DSCAM: variants seen among roughly 807,000 people sequenced by gnomAD.
The protein encoded by DSCAM is DS cell adhesion molecule.
A neutral mutation model predicts 217.7 loss-of-function variants in DSCAM; 47 were observed. That is an observed-to-expected ratio of 0.22 (90% CI 0.17 to 0.28). The LOEUF (loss-of-function observed/expected upper bound fraction) is 0.28. DSCAM is among the 10% of genes least tolerant of loss of function. DSCAM has a pLI of 1.00. For synonymous variants in DSCAM, 1,056 were observed against 1,015.3 expected (o/e 1.04, Z -0.76); for missense variants, 2,080 against 2,618.3 (o/e 0.79, Z 4.49).
chr21:40,393,114 T>TAAA (rs2075148922), intron 3 of DSCAM, among the ~76,000 whole-genome samples: 1 of 152,174 alleles, frequency 6.6e-6, no homozygotes, highest in Admixed American at 6.5e-5. Context: ...CCACAAAGTC[T>TAAA]TCTTGGATGA....
intron 11 of DSCAM, among the ~76,000 whole-genome samples, chr21:40,233,176 A>G (rs1325451371): frequency 1.1e-4 from 17 of 152,162 alleles, no homozygotes; most frequent in Admixed American, 1.1e-3. Flanking sequence ...CCGAACCTAA[A>G]AGTTTTTTTT....
chr21:40,376,831 TAA>T (rs1358444649), intron 3 of DSCAM, among the ~76,000 whole-genome samples: 1 of 151,780 alleles, frequency 6.6e-6, no homozygotes, highest in East Asian at 1.9e-4. Flanking sequence ...AAGCTGCATA[TAA>T]GAGAAAAGAA....
rs1480017141 is a variant in DSCAM at position 40,481,090 on chromosome 21, A to G, written c.509-111845T>C. ...TCTCAGCCTCCAAAACTGTAAGTCA[A>G]ATAAACTTGGGCATACACTTTTTAA... On this transcript the variant is annotated intron_variant, in intron 3 of 32. Coordinates refer to ENST00000400454, the MANE Select transcript of DSCAM (RefSeq NM_001389.5). Among the ~76,000 whole-genome samples, 10 of 152,212 alleles carry G rather than the reference A, an allele frequency of 6.6e-5. 1 individual carries two copies. The highest frequency in any genetic ancestry group is 6.5e-4 in the Admixed American group (10 of 15,284).
chr21:40,381,355 G>A (rs1315590809), intron 3 of DSCAM, among the ~76,000 whole-genome samples: 1 of 152,186 alleles, frequency 6.6e-6, no homozygotes, highest in African/African-American at 2.4e-5. Flanking sequence ...GCGGACTCAT[G>A]TTTAGAAGAG....
chr21:40,643,527 T>C (rs2089908335), intron 3 of DSCAM, among the ~76,000 whole-genome samples: 1 of 152,180 alleles, frequency 6.6e-6, no homozygotes, highest in Non-Finnish European at 1.5e-5. Context: ...ACTGCAAAGC[T>C]CTGGCTTGAG....
intron 3 of DSCAM, among the ~76,000 whole-genome samples, chr21:40,534,709 T>A (rs528782775): frequency 6.6e-6 from 1 of 152,222 alleles, no homozygotes; most frequent in Non-Finnish European, 1.5e-5. Context: ...TGATATAGAG[T>A]GATATATTTT....
chr21:40,369,064 C>T (rs368773669), intron 4 of DSCAM, 35 bp downstream of exon 4: 2 of 1,557,062 alleles, frequency 1.3e-6, no homozygotes, highest in South Asian at 1.3e-5. Flanking sequence ...AAAGAAATAG[C>T]AGACATAGCA....
intron 3 of DSCAM, among the ~76,000 whole-genome samples, chr21:40,418,370 A>G (rs761553875): frequency 2.3e-4 from 35 of 152,216 alleles, no homozygotes; most frequent in Admixed American, 7.2e-4. Flanking sequence ...ATAAGTTTTA[A>G]TTGAAATTCA....
chr21:40,516,616 T>A (rs771229085), intron 3 of DSCAM, among the ~76,000 whole-genome samples: 1 of 152,082 alleles, frequency 6.6e-6, no homozygotes, highest in Non-Finnish European at 1.5e-5. Context: ...CTGCAGAATG[T>A]GAATTGACGT....
intron 32 of DSCAM, among the ~76,000 whole-genome samples, chr21:40,018,041 T>A (rs1173252056): frequency 1.0e-5 from 1 of 96,068 alleles, no homozygotes; most frequent in Non-Finnish European, 2.2e-5. Flanking sequence ...AGAATTTGAG[T>A]TTTTAAAACT....
intron 3 of DSCAM, chr21:40,383,345 G>GA (rs1569096993): frequency 6.6e-6 from 1 of 152,102 alleles, no homozygotes; most frequent in Non-Finnish European, 1.5e-5. Context: ...AAGAAAAAAA[G>GA]AAAAGAAAAG....
In DSCAM at chr21:40,338,082, C is replaced by T. The variant is rs769717601; in HGVS notation, c.1783+19G>A. The T allele has an allele frequency of 6.2e-7, 1 of 1,610,436 alleles. No individual in the cohort carries two copies. The highest frequency in any genetic ancestry group is 8.5e-7 in the Non-Finnish European group (1 of 1,178,248). On this transcript the variant is annotated intron_variant, in intron 8 of 32. Coordinates refer to ENST00000400454, the MANE Select transcript of DSCAM (RefSeq NM_001389.5). ...GGCTATGGAATGAGTTGTGTGGGAA[C>T]CAGGAGAACAGGGCTTACCTTTCAC...
intron 28 of DSCAM, among the ~76,000 whole-genome samples, chr21:40,059,367 T>C (rs182688230): frequency 6.6e-6 from 1 of 152,330 alleles, no homozygotes; most frequent in Non-Finnish European, 1.5e-5. Flanking sequence ...ATAAAAATCT[T>C]ACATAAAAAT....
chr21:40,035,611 C>T (rs187808734), intron 32 of DSCAM, among the ~76,000 whole-genome samples: 1 of 145,250 alleles, frequency 6.9e-6, no homozygotes, highest in Non-Finnish European at 1.5e-5. Context: ...ATCAACGAGA[C>T]AGAAAGTCAA....
chr21:40,123,682 T>C (rs1218033772), intron 20 of DSCAM, among the ~76,000 whole-genome samples: 2 of 152,158 alleles, frequency 1.3e-5, no homozygotes, highest in South Asian at 2.1e-4. Context: ...TAGATCTTCA[T>C]TAAAGTCCCT....
chr21:40,118,821 CCT>C (rs1338371046), intron 20 of DSCAM, among the ~76,000 whole-genome samples: 1 of 152,086 alleles, frequency 6.6e-6, no homozygotes, highest in Non-Finnish European at 1.5e-5. Flanking sequence ...ATTGCTGTGT[CCT>C]CTGTCACATC....
At chr21:40,596,093 G>C (rs2077019568) in intron 3 of DSCAM, among the ~76,000 whole-genome samples, 1 of 152,188 alleles carries the variant, frequency 6.6e-6, no homozygotes, top group South Asian at 2.1e-4. Context: ...CTGAGCCCAT[G>C]CTCTGGGGGT....
Position 40,043,393 on chromosome 21 carries a change from C to T in DSCAM, c.5383+685G>A, listed in dbSNP as rs1038887565. Among the ~76,000 whole-genome samples the T allele has an allele frequency of 3.9e-5, 6 of 152,086 alleles. 1 individual carries two copies. Among genetic ancestry groups the T allele is most frequent in the Admixed American group, 2.0e-4 (3 of 15,262 alleles). On this transcript the variant is annotated intron_variant, in intron 31 of 32. Transcript: ENST00000400454. ...CAGCCTTAAAAATAAATTCACATGG[C>T]GATGATCCTCCTCTGGAACACTGTT...
intron 3 of DSCAM, among the ~76,000 whole-genome samples, chr21:40,503,848 C>T (rs184027823): frequency 3.9e-5 from 6 of 152,260 alleles, no homozygotes; most frequent in Middle Eastern, 3.4e-3. Context: ...AACTTGGAAC[C>T]GTATTTGACC....
Sources: allele counts gnomAD v4.1 joint callset (sites outside exome capture counted in the v4.1 genomes callset), GRCh38; gene constraint gnomAD v4.1.1; transcripts MANE v1.5; gene names NCBI Gene and HGNC (gene_info 2026-07-23, HGNC 2026-07-21).